Variants in ARMC9 observed in about 807,000 individuals in gnomAD.
ARMC9 encodes the protein lisH domain-containing protein ARMC9.
In ARMC9, 94 loss-of-function variants were observed where a neutral mutation model predicts 107.0. That is an observed-to-expected ratio of 0.88 (90% CI 0.74 to 1.04). The LOEUF (loss-of-function observed/expected upper bound fraction) is 1.04. Among genes scored for constraint, ARMC9 ranks in the 50% least tolerant of loss-of-function variants. The pLI is 0.00. For missense variants in ARMC9, 942 were observed against 1,030.1 expected (o/e 0.91, Z 1.17); for synonymous variants, 380 against 396.9 (o/e 0.96, Z 0.51).
chr2:231,360,608 G>GTATCC lies in ARMC9; in HGVS notation c.2132-145_2132-141dup. 1.5e-6 allele frequency: 2 copies of GTATCC among 1,309,622 alleles called. No individual in the cohort carries two copies. Among genetic ancestry groups the GTATCC allele is most frequent in the Admixed American group, 4.2e-5 (2 of 47,222 alleles). The allele number at this position is 1,309,622 out of a possible 1,614,324, so 81.1% of individuals were successfully genotyped here. On this transcript the variant is annotated intron_variant, in intron 22 of 24. Transcript: ENST00000611582. This position sits in a 1 kb window ranked among gnomAD's most constrained non-coding sequence, Gnocchi z 4.7. Reference sequence around the variant, plus strand: ...GTTCCCGGGCTGCACGAGTAAACAAGTATCCCAAGCCACAGGCGCCAGGGA... The same window carrying GTATCC: ...GTTCCCGGGCTGCACGAGTAAACAAGTATCCTATCCCAAGCCACAGGCGCCAGGGA...
chr2:231,295,885 A>G (rs2041331727), intron 18 of ARMC9: 1 of 215,718 alleles, frequency 4.6e-6, no homozygotes, highest in Non-Finnish European at 9.1e-6. Context: ...GGCAGAATCT[A>G]GCATGATGCC....
intron 3 of ARMC9, among the ~76,000 whole-genome samples, chr2:231,209,860 A>G (rs1442744771): frequency 6.6e-6 from 1 of 151,980 alleles, no homozygotes; most frequent in Non-Finnish European, 1.5e-5. Flanking sequence ...ATTAAAAAAA[A>G]TTATGTGGAG....
chr2:231,247,627 G>A (rs1485708928), intron 9 of ARMC9, among the ~76,000 whole-genome samples: 1 of 152,194 alleles, frequency 6.6e-6, no homozygotes, highest in East Asian at 1.9e-4. Flanking sequence ...ACCTGGTGAT[G>A]AGAGGGTTTA....
chr2:231,314,576 G>T (rs886359340), intron 19 of ARMC9, among the ~76,000 whole-genome samples: 1 of 152,156 alleles, frequency 6.6e-6, no homozygotes, highest in Non-Finnish European at 1.5e-5. Context: ...TGTGCTATGC[G>T]TTATTGGGTG....
intron 22 of ARMC9, among the ~76,000 whole-genome samples, chr2:231,357,550 T>C (rs952112246): frequency 1.3e-5 from 2 of 151,640 alleles, no homozygotes; most frequent in African/African-American, 4.9e-5. Flanking sequence ...CCAACACCCC[T>C]AGTCCTCCTT....
rs146753763 is a variant in ARMC9 at position 231,238,353 on chromosome 2, TTTTG to T, written c.781-1587_781-1584del. Among the ~76,000 whole-genome samples the T allele has an allele frequency of 5.3e-3, 807 of 152,260 alleles. 12 individuals carry two copies. Among genetic ancestry groups the T allele is most frequent in the African/African-American group, 0.019 (774 of 41,556 alleles). On this transcript the variant is annotated intron_variant, in intron 8 of 24. Transcript: ENST00000611582. ...AATACAAGATGAAAAAGGTATGTTT[TTTTG>T]TTCGTTTGTTTGAGACAGGGTCTCA...
In ARMC9 at chr2:231,239,942, G is replaced by A. The variant is rs2036128547; in HGVS notation, c.781-1G>A. The A allele has an allele frequency of 1.2e-6, 2 of 1,613,260 alleles. No homozygotes were observed. The highest frequency in any genetic ancestry group is 2.2e-5 in the South Asian group (2 of 91,002). ...CAGATGTCTTTGTATCCTCCTTGCA[G>A]ATCACCCCTGAGTACCTCCAGAGCG... On this transcript the variant is annotated splice_acceptor_variant, in intron 8 of 24. Transcript: ENST00000611582. LOFTEE classifies it high-confidence loss of function.
intron 23 of ARMC9, among the ~76,000 whole-genome samples, chr2:231,368,540 A>T (rs2045900521): frequency 6.6e-6 from 1 of 152,238 alleles, no homozygotes; most frequent in African/African-American, 2.4e-5. Flanking sequence ...AGGAGCCTGT[A>T]ACTGTACCCA....
rs1318516451 is a variant in ARMC9, at chr2:231,255,946, A to C, written c.880-640A>C. On this transcript the variant is annotated intron_variant, in intron 9 of 24. Coordinates refer to ENST00000611582, the MANE Select transcript of ARMC9 (RefSeq NM_001352754.2). This position sits in a 1 kb window ranked among gnomAD's most constrained non-coding sequence, Gnocchi z 4.7. ...TCCCAGCTACTCAGGAGGCTGAGGC[A>C]GGAGAATGGCGTGAACCCGGTAGGC... Among the ~76,000 whole-genome samples the C allele has an allele frequency of 6.6e-6, 1 of 152,198 alleles. No individual in the cohort carries two copies. Among genetic ancestry groups the C allele is most frequent in the East Asian group, 1.9e-4 (1 of 5,188 alleles).
In ARMC9 at chr2:231,360,436, A is replaced by G. The variant is rs1285285195; in HGVS notation, c.2132-318A>G. ...ACATTCTGTCTGGGGGCGCCTAGCC[A>G]TGGCCCAGGGAGACAATTTGTTGTT... On this transcript the variant is annotated intron_variant, in intron 22 of 24. Transcript: ENST00000611582. This position sits in a 1 kb window ranked among gnomAD's most constrained non-coding sequence, Gnocchi z 4.7. 6.6e-6 allele frequency among the ~76,000 whole-genome samples: 1 copy of G among 152,224 alleles called. No individual in the cohort carries two copies. The highest frequency in any genetic ancestry group is 2.4e-5 in the African/African-American group (1 of 41,468).
chr2:231,296,311 C>A, intron 19 of ARMC9, 58 bp downstream of exon 19: 1 of 1,390,164 alleles, frequency 7.2e-7, no homozygotes. Flanking sequence ...TTCTCTCTTT[C>A]CTGCCTTGAC....
intron 9 of ARMC9, among the ~76,000 whole-genome samples, chr2:231,241,401 C>T (rs2036289706): frequency 6.6e-6 from 1 of 151,984 alleles, no homozygotes; most frequent in Admixed American, 6.6e-5. Context: ...CTCTCAAAGT[C>T]TTCAAAGTAC....
At chr2:231,258,941 A>G (rs1208517111) in intron 10 of ARMC9, 50 bp from the exon 11 acceptor site, 1 of 1,496,384 alleles carries the variant, frequency 6.7e-7, no homozygotes, top group Non-Finnish European at 9.3e-7. Context: ...GGTGTAATAA[A>G]CATGCCCTTT....
At chr2:231,205,747 A>G (rs2031880756) in intron 1 of ARMC9, among the ~76,000 whole-genome samples, 1 of 152,220 alleles carries the variant, frequency 6.6e-6, no homozygotes, top group East Asian at 1.9e-4. Flanking sequence ...CACTGAGCTG[A>G]AGTCAAGGTG....
At chr2:231,202,837 A>G (rs1265643733) in intron 1 of ARMC9, among the ~76,000 whole-genome samples, 1 of 152,200 alleles carries the variant, frequency 6.6e-6, no homozygotes, top group Admixed American at 6.5e-5. Context: ...GGGCCTCAGT[A>G]TAACAGTGGG....
At chr2:231,326,952 G>C (rs922892846) in intron 19 of ARMC9, among the ~76,000 whole-genome samples, 18 of 152,244 alleles carry the variant, frequency 1.2e-4, no homozygotes, top group African/African-American at 3.9e-4. Flanking sequence ...AGGGAACACT[G>C]TCACCAGGAG....
chr2:231,330,123 TGCCAG>T (rs2043620033), intron 19 of ARMC9, among the ~76,000 whole-genome samples: 1 of 152,220 alleles, frequency 6.6e-6, no homozygotes, highest in Non-Finnish European at 1.5e-5. Context: ...TCTGCCCCTC[TGCCAG>T]TAGCATACAA....
At chr2:231,345,230 T>G (rs1559492350) in intron 21 of ARMC9, 140 bp downstream of exon 21, 5 of 1,444,448 alleles carry the variant, frequency 3.5e-6, no homozygotes, top group Non-Finnish European at 4.6e-6. Context: ...GGGGGATTTT[T>G]GGAGGGAAAG....
At chr2:231,337,563 G>A (rs1310905154) in intron 20 of ARMC9, among the ~76,000 whole-genome samples, 16 of 129,896 alleles carry the variant, frequency 1.2e-4, no homozygotes, top group Admixed American at 1.0e-3. Context: ...TCCACCTCCC[G>A]GGTTCACGCC....
Sources: allele counts gnomAD v4.1 joint callset (sites outside exome capture counted in the v4.1 genomes callset), GRCh38; gene constraint gnomAD v4.1.1; non-coding constraint Gnocchi (gnomAD v3.1); transcripts MANE v1.5; gene names NCBI Gene and HGNC (gene_info 2026-07-23, HGNC 2026-07-21).